The following TPH1 variants were observed in gnomAD, a reference collection of about 807,000 sequenced individuals.
The protein encoded by TPH1 is tryptophan 5-hydroxylase 1.
In TPH1, 37 loss-of-function variants were observed where a neutral mutation model predicts 49.5. That is an observed-to-expected ratio of 0.75 (90% confidence interval 0.58 to 0.98). TPH1 has a LOEUF of 0.98. TPH1 is among the 50% of genes least tolerant of loss of function. The pLI is 0.00. For missense variants in TPH1, 487 were observed against 523.6 expected (o/e 0.93, Z 0.68); for synonymous variants, 160 against 182.1 (o/e 0.88, Z 0.98).
intron 4 of TPH1, among the ~76,000 whole-genome samples, chr11:18,032,827 C>T (rs1000744191): frequency 4.6e-5 from 7 of 151,862 alleles, no homozygotes; most frequent in South Asian, 4.2e-4. Flanking sequence ...CTTACAGGCG[C>T]GAGCCACTGC....
At chr11:18,022,657 G>T in intron 10 of TPH1, 141 bp downstream of exon 10, 4 of 843,478 alleles carry the variant, frequency 4.7e-6, no homozygotes, top group Non-Finnish European at 7.7e-6. Flanking sequence ...CTAGATACTT[G>T]TTATGAAAGG....
At chr11:18,041,813 T>C (rs1848100480) in intron 1 of TPH1, among the ~76,000 whole-genome samples, 3 of 152,360 alleles carry the variant, frequency 2.0e-5, no homozygotes, top group Non-Finnish European at 4.4e-5. Context: ...ATGTGGATTT[T>C]TCTTTGATTC....
chr11:18,021,028 T>C lies in TPH1; in HGVS notation c.1298A>G (p.Asp433Gly), dbSNP rs377482768. ...CTTCCTGCTGACCTTAGCAAGGGCA[T>C]CACTGACAACATCGAGATCATGCTG... ...ELQHDLDVVS[D>G]ALAKVSRKPS... The change falls in exon 11 of 11, where the codon GAT becomes GGT. Residue 433 changes from aspartate to glycine, a missense_variant. Coordinates refer to ENST00000682019, the MANE Select transcript of TPH1 (RefSeq NM_004179.3). The C allele has an allele frequency of 1.2e-6, 2 of 1,614,002 alleles. No individual in the cohort carries two copies. Among genetic ancestry groups the C allele is most frequent in the African/African-American group, 2.7e-5 (2 of 74,918 alleles).
Position 18,020,922 on chromosome 11 carries a change from T to C in TPH1, c.*69A>G. 6.8e-7 allele frequency: 1 copy of C among 1,471,064 alleles called. No individual in the cohort carries two copies. Among genetic ancestry groups the C allele is most frequent in the South Asian group, 1.1e-5 (1 of 87,676 alleles). The allele number at this position is 1,471,064 out of a possible 1,614,324, so 91.1% of individuals were successfully genotyped here. ...ATGCTGTCCCTCCAGGATCAGGTGT[T>C]CAAGGAAAGCAAGAGATGGCCCAGA... On this transcript the variant is annotated 3_prime_UTR_variant, in exon 11 of 11. Coordinates refer to ENST00000682019, the MANE Select transcript of TPH1 (RefSeq NM_004179.3).
chr11:18,041,407 A>G (rs1848097563), intron 1 of TPH1: 1 of 152,368 alleles, frequency 6.6e-6, no homozygotes, highest in South Asian at 2.1e-4. Context: ...AAACAGTGTA[A>G]GGAAATATGT....
rs1214274546 is a variant in TPH1 at position 18,020,506 on chromosome 11, T to G, written c.*485A>C. 1.2e-5 allele frequency: 2 copies of G among 163,624 alleles called. No individual in the cohort carries two copies. The highest frequency in any genetic ancestry group is 2.7e-5 in the Non-Finnish European group (2 of 74,570). The allele number at this position is 163,624 out of a possible 1,614,324, so 10.1% of individuals were successfully genotyped here. A position where few individuals can be genotyped will look rare whatever the true frequency, so the allele number is the denominator to read the frequency against. On this transcript the variant is annotated 3_prime_UTR_variant, in exon 11 of 11. Transcript: ENST00000682019. ...AGCAGGGTCTCCTGTTAAATTTTAG[T>G]GTGAATGTGATTGAGCTTGGCACAA...
chr11:18,025,551 A>G, intron 8 of TPH1, 24 bp downstream of exon 8: 1 of 1,613,526 alleles, frequency 6.2e-7, no homozygotes, highest in African/African-American at 1.3e-5. Flanking sequence ...CCAGGTGAAA[A>G]TATAGCTAAT....
chr11:18,024,552 G>A (rs1847908561), intron 8 of TPH1, among the ~76,000 whole-genome samples: 1 of 152,032 alleles, frequency 6.6e-6, no homozygotes, highest in African/African-American at 2.4e-5. Flanking sequence ...CAGTCTTTTT[G>A]GATAGTTGTG....
In TPH1 at chr11:18,025,453, T is replaced by C. The variant is rs211103; in HGVS notation, c.930+122A>G. ...TGGAGTGCAGTGGCACAATCTCGGCTCACTGCAACCTCCAAGCAAAGACAA... is the reference window on the plus strand; with the variant it reads ...TGGAGTGCAGTGGCACAATCTCGGCCCACTGCAACCTCCAAGCAAAGACAA... On this transcript the variant is annotated intron_variant, in intron 8 of 10. Coordinates refer to ENST00000682019, the MANE Select transcript of TPH1 (RefSeq NM_004179.3). 8,995 of 1,339,764 alleles carry C rather than the reference T, an allele frequency of 6.7e-3. 479 individuals are homozygous for C. The East Asian group carries it at 0.13, about 19-fold the overall frequency. The allele number at this position is 1,339,764 out of a possible 1,614,324, so 83.0% of individuals were successfully genotyped here.
At chr11:18,039,496 A>G (rs1041808775) in intron 2 of TPH1, among the ~76,000 whole-genome samples, 1 of 152,216 alleles carries the variant, frequency 6.6e-6, no homozygotes, top group African/African-American at 2.4e-5. Context: ...AACATCCCCT[A>G]TATTAGGACA....
chr11:18,026,396 A>C, intron 7 of TPH1, 94 bp downstream of exon 7: 1 of 439,530 alleles, frequency 2.3e-6, no homozygotes, highest in Non-Finnish European at 3.3e-6. Flanking sequence ...CGCACACCAA[A>C]AAAAAAAAAA....
intron 6 of TPH1, among the ~76,000 whole-genome samples, chr11:18,027,643 C>T (rs1234950942): frequency 1.3e-5 from 2 of 152,162 alleles, no homozygotes; most frequent in Non-Finnish European, 2.9e-5. Flanking sequence ...TGCAGCCAGC[C>T]CAGGCTCCAG....
intron 3 of TPH1, among the ~76,000 whole-genome samples, chr11:18,033,871 G>C (rs1848017522): frequency 6.6e-6 from 1 of 152,018 alleles, no homozygotes; most frequent in South Asian, 2.1e-4. Context: ...CTACTTTTCT[G>C]CCTGGAATAG....
At position 18,020,261 on chromosome 11, in the gene TPH1, AG is replaced by A. The variant is rs1282516832; in HGVS notation, c.*729del. 6.5e-6 allele frequency: 1 copy of A among 153,624 alleles called. No individual in the cohort carries two copies. The allele number at this position is 153,624 out of a possible 1,614,324, so 9.5% of individuals were successfully genotyped here. On this transcript the variant is annotated 3_prime_UTR_variant, in exon 11 of 11. Transcript: ENST00000682019. ...GTCATTGAAAGAAAACAAAGTTTCA[AG>A]GAAGATAGTCACTTGGGAAGGGGCT...
At chr11:18,030,682 C>T (rs1847979141) in intron 4 of TPH1, among the ~76,000 whole-genome samples, 1 of 152,088 alleles carries the variant, frequency 6.6e-6, no homozygotes, top group South Asian at 2.1e-4. Flanking sequence ...GAACGGCATG[C>T]ACACTTAAGA....
chr11:18,021,213 G>A (rs772352139), intron 10 of TPH1, 48 bp from the exon 11 acceptor site: 2 of 1,560,376 alleles, frequency 1.3e-6, no homozygotes, highest in South Asian at 1.1e-5. Context: ...GGGAGTGAAT[G>A]ATGAAAACTA....
At chr11:18,025,843 A>G in intron 7 of TPH1, 142 bp from the exon 8 acceptor site, 1 of 1,303,416 alleles carries the variant, frequency 7.7e-7, no homozygotes, top group Non-Finnish European at 1.1e-6. Context: ...GACACTAATC[A>G]AATAAAGAAA....
At position 18,025,576 on chromosome 11, in the gene TPH1, G is replaced by A. The variant is rs41274348; in HGVS notation, c.929C>T (p.Thr310Met). The change falls in exon 8 of 11, where the codon ACG (threonine) becomes ATG (methionine). Residue 310 changes from threonine to methionine, a missense_variant and splice_region_variant. Transcript: ENST00000682019. ...ASEEAVQKLATCYFFTVEFGL... is the reference protein window; with the variant it reads ...ASEEAVQKLAMCYFFTVEFGL... ...ATATAGCTAATTCCAGATTTATACCGTTGCCAGTTTTTGAACAGCCTCCTC... is the reference window on the plus strand; with the variant it reads ...ATATAGCTAATTCCAGATTTATACCATTGCCAGTTTTTGAACAGCCTCCTC... The A allele has an allele frequency of 2.2e-4, 360 of 1,613,700 alleles. No homozygotes were observed. Among genetic ancestry groups the A allele is most frequent in the Non-Finnish European group, 2.6e-4 (305 of 1,179,726 alleles).
chr11:18,031,209 A>T (rs1340404447), intron 4 of TPH1, among the ~76,000 whole-genome samples: 2 of 152,174 alleles, frequency 1.3e-5, no homozygotes, highest in Non-Finnish European at 2.9e-5. Context: ...TATAAAAGGA[A>T]TCATACAATA....
Sources: allele counts gnomAD v4.1 joint callset (sites outside exome capture counted in the v4.1 genomes callset), GRCh38; gene constraint gnomAD v4.1.1; transcripts MANE v1.5; gene names NCBI Gene and HGNC (gene_info 2026-07-23, HGNC 2026-07-21).